Variants in NR3C2 observed in about 807,000 individuals in gnomAD.
The protein encoded by NR3C2 is nuclear receptor subfamily 3 group C member 2, also known as mineralocorticoid receptor.
In NR3C2, 15 loss-of-function variants were observed where a neutral mutation model predicts 86.4. The observed-to-expected ratio is 0.17, with a 90% CI of 0.12 to 0.27. NR3C2 has a LOEUF of 0.27. Ranked by LOEUF, NR3C2 falls within the 10% of genes least tolerant of loss-of-function variation. The pLI, the probability that NR3C2 is intolerant of heterozygous loss-of-function variation, is 1.00. For synonymous variants in NR3C2, 458 were observed against 450.5 expected (o/e 1.02, Z -0.21); for missense variants, 960 against 1,195.6 (o/e 0.80, Z 2.91).
chr4:148,141,971 A>G (rs1042616960), intron 6 of NR3C2, among the ~76,000 whole-genome samples: 2 of 152,088 alleles, frequency 1.3e-5, no homozygotes, highest in African/African-American at 2.4e-5. Context: ...ATGAGGGGAA[A>G]GTCATTCTTT....
intron 2 of NR3C2, among the ~76,000 whole-genome samples, chr4:148,370,923 G>C (rs947302562): frequency 6.6e-6 from 1 of 152,022 alleles, no homozygotes; most frequent in Non-Finnish European, 1.5e-5. Context: ...TAGCTATTCA[G>C]AGGAGCAATC....
intron 2 of NR3C2, among the ~76,000 whole-genome samples, chr4:148,345,430 T>A (rs547146949): frequency 1.3e-5 from 2 of 152,108 alleles, no homozygotes; most frequent in South Asian, 2.1e-4. Flanking sequence ...AAAATAAAAT[T>A]CATGATGCAT....
chr4:148,127,367 G>A (rs1041268338), intron 6 of NR3C2, among the ~76,000 whole-genome samples: 6 of 152,072 alleles, frequency 3.9e-5, no homozygotes, highest in South Asian at 4.1e-4. Flanking sequence ...TCTTTGCTAC[G>A]TGCTTTTATT....
chr4:148,402,545 T>C (rs1748220457), intron 2 of NR3C2, among the ~76,000 whole-genome samples: 2 of 152,240 alleles, frequency 1.3e-5, no homozygotes, highest in African/African-American at 4.8e-5. Context: ...GAAGAGTCAC[T>C]GGGCTCCTCT....
intron 7 of NR3C2, among the ~76,000 whole-genome samples, chr4:148,118,931 G>A (rs1732388990): frequency 6.6e-6 from 1 of 152,076 alleles, no homozygotes; most frequent in African/African-American, 2.4e-5. Context: ...CTCCCAGCAG[G>A]TCTCTGTGCT....
At chr4:148,281,022 G>A (rs182437227) in intron 2 of NR3C2, among the ~76,000 whole-genome samples, 44 of 152,350 alleles carry the variant, frequency 2.9e-4, no homozygotes, top group Admixed American at 1.6e-3. Flanking sequence ...GGCTAGAGCT[G>A]TGGCACCTGC....
intron 2 of NR3C2, among the ~76,000 whole-genome samples, chr4:148,307,003 C>T (rs1212046811): frequency 6.6e-6 from 1 of 152,024 alleles, no homozygotes; most frequent in Non-Finnish European, 1.5e-5. Flanking sequence ...AATATCTTAG[C>T]ATAGTATAAG....
At position 148,146,165 on chromosome 4, in the gene NR3C2, T is replaced by C. The variant is rs137903730; in HGVS notation, c.2510+6304A>G. Among the ~76,000 whole-genome samples the C allele has an allele frequency of 5.9e-3, 898 of 152,274 alleles. 12 individuals are homozygous for C. The highest frequency in any genetic ancestry group is 0.02 in the African/African-American group (843 of 41,558). ...GCTGACCAGGTTCATCCTACATCCC[T>C]GACTCCTCTCATCAGAATTCCTGTC... On this transcript the variant is annotated intron_variant, in intron 6 of 8. Transcript: ENST00000358102.
intron 3 of NR3C2, among the ~76,000 whole-genome samples, chr4:148,206,326 T>C (rs778565894): frequency 6.6e-6 from 1 of 152,232 alleles, no homozygotes; most frequent in African/African-American, 2.4e-5. Context: ...TGGCCCTCTA[T>C]GCAAACACTC....
rs116067006 is a variant in NR3C2, at chr4:148,405,398, A to T, written c.1757+29706T>A. Among the ~76,000 whole-genome samples, 418 of 152,326 alleles carry T rather than the reference A, an allele frequency of 2.7e-3. 5 individuals are homozygous for T. The highest frequency in any genetic ancestry group is 9.6e-3 in the African/African-American group (400 of 41,574). ...AGGAAAGGGACAGTAGGTTCAAGGC[A>T]TACCTGTCCACCACCAGGACCACAT... On this transcript the variant is annotated intron_variant, in intron 2 of 8. Coordinates refer to ENST00000358102, the MANE Select transcript of NR3C2 (RefSeq NM_000901.5).
intron 6 of NR3C2, among the ~76,000 whole-genome samples, chr4:148,135,576 C>A (rs545522238): frequency 6.6e-6 from 1 of 152,218 alleles, no homozygotes; most frequent in Non-Finnish European, 1.5e-5. Context: ...GTGGCACTAA[C>A]AAACTAAGAC....
chr4:148,099,388 C>T (rs1179336785), intron 8 of NR3C2, among the ~76,000 whole-genome samples: 2 of 152,186 alleles, frequency 1.3e-5, no homozygotes, highest in African/African-American at 4.8e-5. Flanking sequence ...GCTGGGCTGC[C>T]ACCCACAGGA....
intron 8 of NR3C2, among the ~76,000 whole-genome samples, chr4:148,093,874 C>G (rs1731164065): frequency 6.6e-6 from 1 of 151,996 alleles, no homozygotes; most frequent in South Asian, 2.1e-4. Flanking sequence ...AACTGTGCAT[C>G]CAAGGCCACC....
chr4:148,272,851 G>C (rs72655262), intron 2 of NR3C2, among the ~76,000 whole-genome samples: 42 of 152,148 alleles, frequency 2.8e-4, no homozygotes, highest in Non-Finnish European at 5.3e-4. Flanking sequence ...TCAGAAGTAA[G>C]TAGTTCCACT....
chr4:148,138,821 C>T (rs910846157), intron 6 of NR3C2, among the ~76,000 whole-genome samples: 7 of 152,172 alleles, frequency 4.6e-5, no homozygotes, highest in African/African-American at 1.7e-4. Flanking sequence ...GCCTAATAAC[C>T]GGTGACTAGG....
chr4:148,131,350 A>G (rs1024072895), intron 6 of NR3C2, among the ~76,000 whole-genome samples: 1 of 152,132 alleles, frequency 6.6e-6, no homozygotes, highest in African/African-American at 2.4e-5. Context: ...TAAATCTAAC[A>G]TCTTGTTACA....
At chr4:148,302,353 A>G (rs534620660) in intron 2 of NR3C2, among the ~76,000 whole-genome samples, 1 of 152,058 alleles carries the variant, frequency 6.6e-6, no homozygotes, top group African/African-American at 2.4e-5. Context: ...TGTCTTTCAG[A>G]GTCAAGAAAA....
chr4:148,301,833 A>G (rs1742352219), intron 2 of NR3C2, among the ~76,000 whole-genome samples: 1 of 152,220 alleles, frequency 6.6e-6, no homozygotes. Flanking sequence ...CACCATGAAG[A>G]AAAGTAAACA....
intron 2 of NR3C2, among the ~76,000 whole-genome samples, chr4:148,374,397 T>C (rs1746571740): frequency 6.6e-6 from 1 of 152,182 alleles, no homozygotes; most frequent in African/African-American, 2.4e-5. Flanking sequence ...CTACTCATTA[T>C]TTCACAGATG....
Sources: gnomAD v4.1 joint callset for allele counts (sites outside exome capture counted in the v4.1 genomes callset) on GRCh38, gnomAD v4.1.1 for gene constraint, MANE v1.5 for transcripts, NCBI Gene and HGNC (gene_info 2026-07-23, HGNC 2026-07-21) for gene names.